SYT14: variants seen among roughly 807,000 people sequenced by gnomAD.
SYT14 encodes the protein synaptotagmin 14.
A neutral mutation model predicts 74.2 loss-of-function variants in SYT14; 32 were observed. The ratio of observed to expected loss-of-function variants is 0.43; its 90% CI spans 0.33 to 0.58. The LOEUF is 0.58. Among genes scored for constraint, SYT14 ranks in the 20% least tolerant of loss-of-function variants. SYT14 has a pLI of 0.05. For missense variants in SYT14, 791 were observed against 981.8 expected, an observed-to-expected ratio of 0.81 and a Z score of 2.60; for synonymous variants, 298 against 337.7, an observed-to-expected ratio of 0.88 and a Z score of 1.29.
intron 7 of SYT14, among the ~76,000 whole-genome samples, chr1:210,102,284 G>T (rs1572301999): frequency 6.6e-6 from 1 of 152,018 alleles, no homozygotes; most frequent in Non-Finnish European, 1.5e-5. Context: ...CCCATTGTCT[G>T]TCGTTCTCCT....
intron 2 of SYT14, among the ~76,000 whole-genome samples, chr1:209,990,590 TAATGA>T (rs1558114842): frequency 7.1e-6 from 1 of 140,290 alleles, no homozygotes; most frequent in Non-Finnish European, 1.5e-5. Flanking sequence ...TTTCTTGTTT[TAATGA>T]AATAAAGTGT....
At chr1:210,050,969 G>C (rs574479982) in intron 5 of SYT14, among the ~76,000 whole-genome samples, 7 of 152,308 alleles carry the variant, frequency 4.6e-5, no homozygotes, top group African/African-American at 1.2e-4. Flanking sequence ...TGTGAGGAAG[G>C]ACATTTAGAA....
intron 5 of SYT14, among the ~76,000 whole-genome samples, chr1:210,076,754 A>G (rs927764249): frequency 1.3e-5 from 2 of 152,134 alleles, no homozygotes; most frequent in African/African-American, 2.4e-5. Context: ...GGCAAGTGCT[A>G]CACACGTTTA....
intron 7 of SYT14, among the ~76,000 whole-genome samples, chr1:210,111,459 T>C (rs2082260459): frequency 6.6e-6 from 1 of 151,298 alleles, no homozygotes; most frequent in South Asian, 2.1e-4. Flanking sequence ...GACATTGTTT[T>C]CTTAATAAGA....
intron 7 of SYT14, among the ~76,000 whole-genome samples, chr1:210,128,012 AAG>A (rs1019118214): frequency 5.9e-5 from 9 of 151,974 alleles, no homozygotes; most frequent in African/African-American, 2.2e-4. Context: ...CCTGGGCAAA[AAG>A]AGAAAATCCA....
At chr1:210,163,643 C>T (rs762063282) in exon 10 of SYT14, 4 of 453,510 alleles carry the variant, frequency 8.8e-6, no homozygotes, top group South Asian at 4.7e-5. Context: ...TGCTGCTGTT[C>T]TCCTTCACAC....
Position 210,137,830 on chromosome 1 carries a change from G to A in SYT14, c.2035-17891G>A, listed in dbSNP as rs1370230137. On this transcript the variant is annotated intron_variant, in intron 7 of 9. Transcript: ENST00000637265. ...TGAGTAGATGGAATTACAGGCATGC[G>A]CCACCACGCCCAGCTAATTTTTGTA... Among the ~76,000 whole-genome samples, 6 of 152,040 alleles carry A rather than the reference G, an allele frequency of 3.9e-5. No individual in the cohort carries two copies. In the South Asian group the frequency reaches 1.0e-3, roughly 26 times the overall value.
At chr1:209,976,348 T>C (rs1386594104) in intron 2 of SYT14, among the ~76,000 whole-genome samples, 5 of 144,356 alleles carry the variant, frequency 3.5e-5, no homozygotes, top group African/African-American at 5.2e-5. Flanking sequence ...TTTAGTGCTA[T>C]AAATTTCCCT....
At chr1:209,961,793 G>A (rs186298104) in intron 2 of SYT14, among the ~76,000 whole-genome samples, 1 of 152,052 alleles carries the variant, frequency 6.6e-6, no homozygotes, top group East Asian at 1.9e-4. Context: ...TTCTTTCAGT[G>A]GTTTGACACT....
chr1:210,006,226 T>C (rs1189206104), intron 2 of SYT14, among the ~76,000 whole-genome samples: 3 of 151,990 alleles, frequency 2.0e-5, no homozygotes, highest in Non-Finnish European at 2.9e-5. Flanking sequence ...GCTAGCATTG[T>C]TACATTCTTT....
At chr1:210,105,792 C>T (rs533955939) in intron 7 of SYT14, among the ~76,000 whole-genome samples, 2 of 152,200 alleles carry the variant, frequency 1.3e-5, no homozygotes, top group African/African-American at 2.4e-5. Context: ...GCCGTCCTCA[C>T]GATAGTAAAT....
At chr1:210,025,681 T>G (rs1272142013) in intron 5 of SYT14, among the ~76,000 whole-genome samples, 1 of 152,078 alleles carries the variant, frequency 6.6e-6, no homozygotes, top group Non-Finnish European at 1.5e-5. Flanking sequence ...GCAAGAGAAC[T>G]TTTACCAGGT....
At chr1:210,004,063 C>A (rs866895370) in intron 2 of SYT14, among the ~76,000 whole-genome samples, 3 of 152,056 alleles carry the variant, frequency 2.0e-5, no homozygotes, top group Middle Eastern at 6.8e-3. Context: ...TTAGTTTTCA[C>A]CAGTTAGAAA....
chr1:209,946,207 C>G (rs2078821273), intron 1 of SYT14, among the ~76,000 whole-genome samples: 1 of 152,026 alleles, frequency 6.6e-6, no homozygotes, highest in Non-Finnish European at 1.5e-5. Context: ...AATTAATAAC[C>G]CTACAAATGT....
At chr1:210,000,613 CTTTTTTTTTTTT>C (rs71146203) in intron 2 of SYT14, among the ~76,000 whole-genome samples, 13 of 105,442 alleles carry the variant, frequency 1.2e-4, no homozygotes, top group African/African-American at 4.9e-4. Context: ...TTTATGCCTT[CTTTTTTTTTTTT>C]TTTTTTTGAG....
intron 5 of SYT14, among the ~76,000 whole-genome samples, chr1:210,072,561 A>G (rs766668730): frequency 3.5e-4 from 54 of 152,166 alleles, no homozygotes; most frequent in African/African-American, 8.7e-4. Flanking sequence ...CAGTTTCTTA[A>G]TCACAATTTG....
At chr1:210,065,112 A>G (rs911343513) in intron 5 of SYT14, among the ~76,000 whole-genome samples, 1 of 151,922 alleles carries the variant, frequency 6.6e-6, no homozygotes, top group African/African-American at 2.4e-5. Context: ...CCAGTTTTGA[A>G]TTGGGTTGTT....
At chr1:210,012,667 T>C (rs935242083) in intron 2 of SYT14, among the ~76,000 whole-genome samples, 1 of 152,116 alleles carries the variant, frequency 6.6e-6, no homozygotes, top group African/African-American at 2.4e-5. Context: ...TGTTAAGTAA[T>C]ATATCCGTGC....
rs115233097 is a variant in SYT14, at chr1:210,090,393, G to A, written c.1313-3929G>A. Among the ~76,000 whole-genome samples, 1,333 of 151,230 alleles carry A rather than the reference G, an allele frequency of 8.8e-3. 21 individuals are homozygous for A. Among genetic ancestry groups the A allele is most frequent in the African/African-American group, 0.03 (1,239 of 41,124 alleles). On this transcript the variant is annotated intron_variant, in intron 5 of 9. Coordinates refer to ENST00000637265, the Ensembl canonical transcript of SYT14. The stretch of plus-strand genomic sequence containing the variant: ...TGAAAAAAAAAAGAATTCTGCAGTC[G>A]TTGAATATACATCATTTTTTTTTTA...
Sources: allele counts gnomAD v4.1 joint callset (sites outside exome capture counted in the v4.1 genomes callset), GRCh38; gene constraint gnomAD v4.1.1; transcripts MANE v1.5; gene names NCBI Gene and HGNC (gene_info 2026-07-23, HGNC 2026-07-21).